INSYN2B: variants seen among roughly 807,000 people sequenced by gnomAD.
The protein encoded by INSYN2B is protein INSYN2B.
Under a neutral mutation model 41.2 loss-of-function variants are expected in INSYN2B, and 16 were observed. That is an observed-to-expected ratio of 0.39 (90% CI 0.26 to 0.59). INSYN2B has a LOEUF of 0.59. Ranked by LOEUF, INSYN2B falls within the 20% of genes least tolerant of loss-of-function variation. INSYN2B has a pLI of 0.57. For missense variants in INSYN2B, 608 were observed against 646.4 expected, an observed-to-expected ratio of 0.94 and a Z score of 0.64; for synonymous variants, 245 against 244.4, an observed-to-expected ratio of 1.00 and a Z score of -0.02.
At chr5:169,881,488 C>T (rs1471756480) in intron 2 of INSYN2B, 46 bp from the exon 3 acceptor site, 25 of 1,459,052 alleles carry the variant, frequency 1.7e-5, no homozygotes, top group East Asian at 1.2e-4. Flanking sequence ...GCAAAAGTCA[C>T]GTGGGCCACA....
intron 1 of INSYN2B, among the ~76,000 whole-genome samples, chr5:169,960,359 G>T (rs1777035432): frequency 6.6e-6 from 1 of 152,182 alleles, no homozygotes; most frequent in Admixed American, 6.5e-5. Context: ...CCTGAAAGGT[G>T]CTATTTCTGG....
At chr5:169,927,044 G>GT (rs561156591) in intron 1 of INSYN2B, among the ~76,000 whole-genome samples, 4 of 152,318 alleles carry the variant, frequency 2.6e-5, no homozygotes, top group Admixed American at 2.0e-4. Context: ...GTGCTTCCCA[G>GT]GGTGCCAGAC....
chr5:169,919,538 C>A (rs966208694), intron 1 of INSYN2B, among the ~76,000 whole-genome samples: 1 of 152,178 alleles, frequency 6.6e-6, no homozygotes, highest in African/African-American at 2.4e-5. Context: ...CCTTAATTCT[C>A]CAGCATGCAT....
At chr5:169,895,881 G>A (rs1243677858) in intron 1 of INSYN2B, among the ~76,000 whole-genome samples, 2 of 152,198 alleles carry the variant, frequency 1.3e-5, no homozygotes, top group Non-Finnish European at 2.9e-5. Context: ...GAATCAGCCA[G>A]CAGACCTCTT....
At chr5:169,881,341 G>C (rs1581348898) in intron 3 of INSYN2B, 27 bp downstream of exon 3, 1 of 1,543,886 alleles carries the variant, frequency 6.5e-7, no homozygotes, top group African/African-American at 1.4e-5. Context: ...ATGGTCTACA[G>C]AGCAGGCCTC....
chr5:169,879,438 A>G (rs767410535), intron 3 of INSYN2B, among the ~76,000 whole-genome samples: 2 of 152,162 alleles, frequency 1.3e-5, no homozygotes, highest in Non-Finnish European at 2.9e-5. Context: ...GCTTTCATCA[A>G]ATTAATTGCC....
At chr5:169,970,392 G>A (rs1261484384) in intron 1 of INSYN2B, among the ~76,000 whole-genome samples, 1 of 152,212 alleles carries the variant, frequency 6.6e-6, no homozygotes, top group African/African-American at 2.4e-5. Flanking sequence ...TGGGCATCTG[G>A]ACAGCCCCCT....
intron 1 of INSYN2B, among the ~76,000 whole-genome samples, chr5:169,909,810 C>T (rs1222199047): frequency 6.6e-6 from 1 of 152,164 alleles, no homozygotes; most frequent in Non-Finnish European, 1.5e-5. Flanking sequence ...AGATTTGGAA[C>T]TTCTAGAATG....
chr5:169,931,669 G>A (rs565775291), intron 1 of INSYN2B, among the ~76,000 whole-genome samples: 1 of 152,332 alleles, frequency 6.6e-6, no homozygotes, highest in East Asian at 1.9e-4. Context: ...GCTGCTGTGT[G>A]AGATGGTGGT....
At chr5:169,949,503 T>C (rs1776576326) in intron 1 of INSYN2B, among the ~76,000 whole-genome samples, 1 of 151,762 alleles carries the variant, frequency 6.6e-6, no homozygotes, top group Non-Finnish European at 1.5e-5. Context: ...CTTGTAAAAG[T>C]AGCTGGAGCC....
chr5:169,888,977 C>T (rs1477275335), intron 1 of INSYN2B, among the ~76,000 whole-genome samples: 1 of 152,156 alleles, frequency 6.6e-6, no homozygotes, highest in Admixed American at 6.5e-5. Flanking sequence ...TAGCATTGTG[C>T]TTGTCTCTCT....
At chr5:169,914,128 TACATCCTGAAGACA>T (rs1774751875) in intron 1 of INSYN2B, among the ~76,000 whole-genome samples, 1 of 152,180 alleles carries the variant, frequency 6.6e-6, no homozygotes, top group Admixed American at 6.5e-5. Context: ...ATAGATATTA[TACATCCTGAAGACA>T]ACCCTTCAAA....
At chr5:169,910,796 GC>G (rs1774553344) in intron 1 of INSYN2B, among the ~76,000 whole-genome samples, 1 of 152,224 alleles carries the variant, frequency 6.6e-6, no homozygotes, top group Non-Finnish European at 1.5e-5. Context: ...AATGGCAGGT[GC>G]CCCTTCTGCT....
At chr5:169,955,618 G>A (rs138080177) in intron 1 of INSYN2B, among the ~76,000 whole-genome samples, 29 of 152,284 alleles carry the variant, frequency 1.9e-4, no homozygotes, top group East Asian at 1.3e-3. Context: ...TCTGAGGACC[G>A]TGTATGAAGC....
At chr5:169,866,407 T>A (rs953435556) in intron 3 of INSYN2B, among the ~76,000 whole-genome samples, 1 of 152,250 alleles carries the variant, frequency 6.6e-6, no homozygotes, top group Non-Finnish European at 1.5e-5. Flanking sequence ...GGCTATGGTG[T>A]CCTCATCTGC....
chr5:169,977,033 G>C (rs916951960), intron 1 of INSYN2B, among the ~76,000 whole-genome samples: 1 of 152,192 alleles, frequency 6.6e-6, no homozygotes, highest in African/African-American at 2.4e-5. Context: ...GTCACTGCAC[G>C]CAAAGACAGA....
chr5:169,928,422 G>A (rs186759369), intron 1 of INSYN2B, among the ~76,000 whole-genome samples: 21 of 152,332 alleles, frequency 1.4e-4, no homozygotes, highest in African/African-American at 2.6e-4. Flanking sequence ...CTGTTTTCAC[G>A]TAGTCAGGCA....
At chr5:169,902,163 G>C (rs1773964684) in intron 1 of INSYN2B, among the ~76,000 whole-genome samples, 1 of 152,212 alleles carries the variant, frequency 6.6e-6, no homozygotes, top group African/African-American at 2.4e-5. Flanking sequence ...AAAGGTCAAG[G>C]AAAGTCCAGG....
intron 1 of INSYN2B, among the ~76,000 whole-genome samples, chr5:169,978,111 G>T (rs762161519): frequency 1.3e-5 from 2 of 151,892 alleles, no homozygotes; most frequent in South Asian, 2.1e-4. Context: ...TTGGTCGTGC[G>T]CATTATTTGA....
Sources: allele counts gnomAD v4.1 joint callset (sites outside exome capture counted in the v4.1 genomes callset), GRCh38; gene constraint gnomAD v4.1.1; transcripts MANE v1.5; gene names NCBI Gene and HGNC (gene_info 2026-07-23, HGNC 2026-07-21).